FAM13A: variants seen among roughly 807,000 people sequenced by gnomAD.
The protein encoded by FAM13A is protein FAM13A.
Under a neutral mutation model 129.6 loss-of-function variants are expected in FAM13A, and 76 were observed. The observed-to-expected ratio is 0.59, with a 90% CI of 0.49 to 0.71. FAM13A has a LOEUF of 0.71. Among genes scored for constraint, FAM13A ranks in the 30% least tolerant of loss-of-function variants. The probability of loss-of-function intolerance (pLI) is 0.00; values close to 1 mark genes in which losing one functional copy is unlikely to be tolerated. For missense variants in FAM13A, 1,108 were observed against 1,249.3 expected (o/e 0.89, Z 1.70); for synonymous variants, 443 against 449.9 (o/e 0.98, Z 0.20).
Position 88,805,551 on chromosome 4 carries a change from A to G in FAM13A, c.1008-499T>C, listed in dbSNP as rs139739954. Among the ~76,000 whole-genome samples, 30 of 152,314 alleles carry G rather than the reference A, an allele frequency of 2.0e-4. No homozygotes were observed. In the East Asian group the frequency reaches 3.5e-3, roughly 18 times the overall value. On this transcript the variant is annotated intron_variant, in intron 7 of 23. Coordinates refer to ENST00000264344, the MANE Select transcript of FAM13A (RefSeq NM_014883.4). ...ACTCACGGGCTCTTTGTCCTTCTGTAGTTACTCTACTAAGTATTAACTAGT... is the reference window on the plus strand; with the variant it reads ...ACTCACGGGCTCTTTGTCCTTCTGTGGTTACTCTACTAAGTATTAACTAGT...
chr4:89,044,401 A>G (rs1172483215), intron 1 of FAM13A, among the ~76,000 whole-genome samples: 1 of 152,184 alleles, frequency 6.6e-6, no homozygotes, highest in Non-Finnish European at 1.5e-5. Flanking sequence ...TAAGATGGCT[A>G]TTATAAAAAT....
chr4:88,836,837 G>A (rs1734892400), intron 7 of FAM13A, among the ~76,000 whole-genome samples: 2 of 151,780 alleles, frequency 1.3e-5, no homozygotes, highest in South Asian at 4.2e-4. Flanking sequence ...GCGGGTGTTT[G>A]TAATCCCAGC....
chr4:88,969,590 T>C (rs902055964), intron 4 of FAM13A, among the ~76,000 whole-genome samples: 1 of 152,250 alleles, frequency 6.6e-6, no homozygotes, highest in African/African-American at 2.4e-5. Flanking sequence ...TTCTGGAACA[T>C]GCCAAGCTTA....
intron 3 of FAM13A, among the ~76,000 whole-genome samples, chr4:89,005,323 C>T (rs1337740231): frequency 2.6e-5 from 4 of 152,082 alleles, no homozygotes; most frequent in Non-Finnish European, 4.4e-5. Context: ...TCATTGATGG[C>T]ATTTAGGTTG....
intron 6 of FAM13A, among the ~76,000 whole-genome samples, chr4:88,892,699 A>T (rs1222709153): frequency 6.6e-6 from 1 of 152,194 alleles, no homozygotes; most frequent in Non-Finnish European, 1.5e-5. Flanking sequence ...GGAGTAAGTC[A>T]AGGAGGCATG....
At chr4:88,954,131 G>C (rs1757367437) in intron 4 of FAM13A, among the ~76,000 whole-genome samples, 1 of 152,160 alleles carries the variant, frequency 6.6e-6, no homozygotes, top group African/African-American at 2.4e-5. Flanking sequence ...TAGGTCTTGA[G>C]ATAATCCAAA....
At chr4:88,942,516 G>A (rs565616305) in intron 4 of FAM13A, among the ~76,000 whole-genome samples, 17 of 151,658 alleles carry the variant, frequency 1.1e-4, no homozygotes, top group East Asian at 3.9e-4. Flanking sequence ...GCAGTGAGCC[G>A]AGATCACGCC....
chr4:89,054,949 C>G (rs1772037357), intron 1 of FAM13A, among the ~76,000 whole-genome samples: 1 of 152,138 alleles, frequency 6.6e-6, no homozygotes, highest in African/African-American at 2.4e-5. Flanking sequence ...ACCTGCAGCT[C>G]CCTACTTCTC....
At chr4:89,035,220 A>G (rs1290548985) in intron 1 of FAM13A, among the ~76,000 whole-genome samples, 1 of 152,164 alleles carries the variant, frequency 6.6e-6, no homozygotes, top group Non-Finnish European at 1.5e-5. Flanking sequence ...GGGCTGAAAA[A>G]GTTCCTATTG....
intron 3 of FAM13A, among the ~76,000 whole-genome samples, chr4:89,005,266 A>G (rs1207025013): frequency 1.3e-5 from 2 of 152,238 alleles, no homozygotes; most frequent in Admixed American, 6.5e-5. Flanking sequence ...TTATGGCTGC[A>G]TAATATTCCA....
At position 88,746,832 on chromosome 4, in the gene FAM13A, C is replaced by A. The variant is rs1466521110; in HGVS notation, c.2466+100G>T. 7.3e-5 allele frequency: 57 copies of A among 780,790 alleles called. 2 individuals are homozygous for A. In the South Asian group the frequency reaches 8.3e-4, roughly 11 times the overall value. 48.4% of individuals were successfully genotyped at this position (780,790 alleles called of 1,614,324 possible). On this transcript the variant is annotated intron_variant, in intron 19 of 23. Transcript: ENST00000264344. ...TCCTTTATCCTAAAAGTAAAGCAAG[C>A]AAACATTAGGGAACCCCATTTGTAA...
chr4:88,807,051 T>G (rs1005864419), intron 7 of FAM13A, among the ~76,000 whole-genome samples: 4 of 152,210 alleles, frequency 2.6e-5, no homozygotes, highest in Non-Finnish European at 5.9e-5. Context: ...GGCCTCCATA[T>G]TTTGTAAAAT....
intron 3 of FAM13A, among the ~76,000 whole-genome samples, chr4:89,007,679 A>G (rs1326189667): frequency 2.0e-5 from 3 of 152,360 alleles, no homozygotes; most frequent in African/African-American, 7.2e-5. Context: ...TAGGGCACAA[A>G]AAGGGTAAGT....
chr4:88,965,244 C>A (rs1759200923), intron 4 of FAM13A, among the ~76,000 whole-genome samples: 1 of 152,168 alleles, frequency 6.6e-6, no homozygotes, highest in Admixed American at 6.5e-5. Flanking sequence ...AAAGGAAAGG[C>A]ATCTGCTGAT....
chr4:88,940,544 T>G (rs1369254775), intron 4 of FAM13A, among the ~76,000 whole-genome samples: 1 of 152,196 alleles, frequency 6.6e-6, no homozygotes, highest in Non-Finnish European at 1.5e-5. Flanking sequence ...GACATGATTT[T>G]AAAAATTTTC....
chr4:88,751,069 C>T (rs1012743110), intron 14 of FAM13A, among the ~76,000 whole-genome samples: 1 of 152,160 alleles, frequency 6.6e-6, no homozygotes, highest in African/African-American at 2.4e-5. Flanking sequence ...TGGTGAAACT[C>T]TATCTCTACT....
chr4:88,937,801 T>C (rs1182197120), intron 5 of FAM13A: 2 of 462,526 alleles, frequency 4.3e-6, no homozygotes, highest in Non-Finnish European at 7.7e-6. Flanking sequence ...GCTTCTGTAG[T>C]AAAGGTGGTG....
intron 4 of FAM13A, among the ~76,000 whole-genome samples, chr4:88,954,660 AGATT>A (rs1757460343): frequency 6.6e-6 from 1 of 152,164 alleles, no homozygotes; most frequent in Non-Finnish European, 1.5e-5. Context: ...CAAGGTGGGC[AGATT>A]GCCTGAGCTC....
intron 6 of FAM13A, among the ~76,000 whole-genome samples, chr4:88,889,219 C>A (rs1042798674): frequency 6.6e-6 from 1 of 151,992 alleles, no homozygotes; most frequent in East Asian, 1.9e-4. Context: ...TTATACTGTC[C>A]CATTTGTATA....
Sources: allele counts gnomAD v4.1 joint callset (sites outside exome capture counted in the v4.1 genomes callset), GRCh38; gene constraint gnomAD v4.1.1; transcripts MANE v1.5; gene names NCBI Gene and HGNC (gene_info 2026-07-23, HGNC 2026-07-21).